The following DMD variants were observed in gnomAD, a reference collection of about 807,000 sequenced individuals.
DMD encodes dystrophin.
Under a neutral mutation model 330.1 loss-of-function variants are expected in DMD, and 63 were observed. That is an observed-to-expected ratio of 0.19 (90% CI 0.16 to 0.24). The LOEUF (loss-of-function observed/expected upper bound fraction) is 0.24, where lower values mean the gene tolerates loss of function less well. Among genes scored for constraint, DMD ranks in the 10% least tolerant of loss-of-function variants. DMD has a pLI of 1.00. For synonymous variants in DMD, 1,223 were observed against 959.8 expected (o/e 1.27, Z -5.07); for missense variants, 3,344 against 2,684.1 (o/e 1.25, Z -5.43).
At chrX:32,571,431 T>C (rs2052408004) in intron 15 of DMD, among the ~76,000 whole-genome samples, 1 of 111,907 alleles carries the variant, frequency 8.9e-6, no homozygotes, top group African/African-American at 3.2e-5. Flanking sequence ...ACTTTTGTGA[T>C]ACCACTTTCC....
rs181648348 is a variant in DMD at position 32,218,361 on chromosome X, A to G, written c.6291-1298T>C. Among the ~76,000 whole-genome samples, 57 of 111,512 alleles carry G rather than the reference A, an allele frequency of 5.1e-4. 1 individual carries two copies. Among genetic ancestry groups the G allele is most frequent in the Admixed American group, 4.8e-3 (50 of 10,465 alleles). ...TCTTACTGGGCTTACAGTCTACCAGATTTCCTGGGGCCTGCCCAAGCAAGC... is the reference window on the plus strand; with the variant it reads ...TCTTACTGGGCTTACAGTCTACCAGGTTTCCTGGGGCCTGCCCAAGCAAGC... On this transcript the variant is annotated intron_variant, in intron 43 of 78. Transcript: ENST00000357033.
intron 1 of DMD, among the ~76,000 whole-genome samples, chrX:33,088,845 C>T (rs1189277124): frequency 9.0e-6 from 1 of 111,054 alleles, no homozygotes; most frequent in Non-Finnish European, 1.9e-5. Flanking sequence ...AAAGACATTT[C>T]TTGTTCATTA....
intron 7 of DMD, among the ~76,000 whole-genome samples, chrX:32,772,011 A>G (rs1184500022): frequency 8.9e-6 from 1 of 112,231 alleles, no homozygotes; most frequent in Non-Finnish European, 1.9e-5. Context: ...AAGGAGTAAT[A>G]GAAGGAAACA....
In DMD at chrX:32,470,454, TC is replaced by T. The variant is rs1227765790; in HGVS notation, c.2949+1709del. Among the ~76,000 whole-genome samples the T allele has an allele frequency of 1.2e-4, 13 of 107,283 alleles. No homozygotes were observed. The East Asian group carries it at 3.6e-3, about 30-fold the overall frequency. 93.2% of individuals were successfully genotyped at this position (107,283 alleles called of 115,157 possible). ...TGTAACTTTGGGGGAAATGTTCATA[TC>T]TTTTTTTTTAGTTAGTTAATACATT... On this transcript the variant is annotated intron_variant, in intron 22 of 78. Transcript: ENST00000357033.
At chrX:32,413,332 C>T (rs1177300284) in intron 29 of DMD, among the ~76,000 whole-genome samples, 1 of 111,484 alleles carries the variant, frequency 9.0e-6, no homozygotes, top group Non-Finnish European at 1.9e-5. Flanking sequence ...ACTTGCTTTT[C>T]CTCCTTCTCT....
At chrX:33,088,987 T>G (rs1183289018) in intron 1 of DMD, among the ~76,000 whole-genome samples, 3 of 109,726 alleles carry the variant, frequency 2.7e-5, no homozygotes, top group Non-Finnish European at 5.7e-5. Context: ...GACACATATA[T>G]CTAAATGTGA....
chrX:31,839,238 G>C (rs1478301181), intron 48 of DMD, among the ~76,000 whole-genome samples: 2 of 112,014 alleles, frequency 1.8e-5, no homozygotes, highest in African/African-American at 3.2e-5. Context: ...ATCACATTAT[G>C]TGTATATGTA....
intron 59 of DMD, among the ~76,000 whole-genome samples, chrX:31,459,537 C>A (rs1217064652): frequency 1.8e-5 from 2 of 112,050 alleles, no homozygotes; most frequent in African/African-American, 3.2e-5. Context: ...GGGAAAAGTT[C>A]TAAATGAGTC....
chrX:33,198,768 T>C (rs1014166946), intron 1 of DMD, among the ~76,000 whole-genome samples: 9 of 110,798 alleles, frequency 8.1e-5, no homozygotes, highest in African/African-American at 2.6e-4. Flanking sequence ...TACATACATA[T>C]GGAATCATAA....
intron 1 of DMD, among the ~76,000 whole-genome samples, chrX:33,039,922 G>GT (rs2094270590): frequency 9.0e-6 from 1 of 110,941 alleles, no homozygotes; most frequent in African/African-American, 3.3e-5. Flanking sequence ...AGGCAACGAG[G>GT]TGAGCCAAAG....
intron 9 of DMD, among the ~76,000 whole-genome samples, chrX:32,685,299 C>A (rs2062771177): frequency 9.0e-6 from 1 of 111,352 alleles, no homozygotes; most frequent in Admixed American, 9.6e-5. Context: ...TAAATTTCTT[C>A]TTGAAATGAC....
At chrX:31,664,668 T>TTA (rs1443969326) in intron 53 of DMD, among the ~76,000 whole-genome samples, 1 of 105,416 alleles carries the variant, frequency 9.5e-6, no homozygotes, top group African/African-American at 3.5e-5. Flanking sequence ...TCATAAGTTT[T>TTA]TTTTTTTTTT....
chrX:32,056,763 G>T (rs1724054585), intron 44 of DMD, among the ~76,000 whole-genome samples: 1 of 111,052 alleles, frequency 9.0e-6, no homozygotes, highest in African/African-American at 3.3e-5. Flanking sequence ...ACACTTCCAA[G>T]CTCATTCTAC....
chrX:31,823,344 G>A (rs2092816118), intron 49 of DMD, among the ~76,000 whole-genome samples: 1 of 112,266 alleles, frequency 8.9e-6, no homozygotes, highest in Non-Finnish European at 1.9e-5. Flanking sequence ...TGCCTTGTAC[G>A]ATGTTTTCTT....
At chrX:31,275,595 T>C (rs2052046434) in intron 62 of DMD, among the ~76,000 whole-genome samples, 1 of 111,361 alleles carries the variant, frequency 9.0e-6, no homozygotes, top group African/African-American at 3.3e-5. Flanking sequence ...CTTTTGAATA[T>C]CTTTCTTTTT....
chrX:33,073,883 G>C (rs186769440), intron 1 of DMD, among the ~76,000 whole-genome samples: 1 of 109,993 alleles, frequency 9.1e-6, no homozygotes, highest in African/African-American at 3.3e-5. Context: ...AAACAGCTAA[G>C]GCTAACAGTC....
intron 74 of DMD, among the ~76,000 whole-genome samples, chrX:31,156,843 C>T (rs1470386430): frequency 8.9e-6 from 1 of 111,835 alleles, no homozygotes; most frequent in African/African-American, 3.3e-5. Flanking sequence ...AGAACATATG[C>T]ATATCTAGCG....
At chrX:32,349,726 T>C (rs2097775463) in intron 37 of DMD, among the ~76,000 whole-genome samples, 1 of 112,104 alleles carries the variant, frequency 8.9e-6, no homozygotes, top group Non-Finnish European at 1.9e-5. Context: ...GCAACATGAA[T>C]AACCACATAT....
At chrX:32,562,166 T>C (rs808578) in intron 16 of DMD, among the ~76,000 whole-genome samples, 27,672 of 110,921 alleles carry the variant, frequency 0.25, 2,601 homozygotes, top group East Asian at 0.51. Context: ...ATTTGCCCTC[T>C]TTTCTCATTG....
Sources: gnomAD v4.1 joint callset for allele counts (sites outside exome capture counted in the v4.1 genomes callset) on GRCh38, gnomAD v4.1.1 for gene constraint, MANE v1.5 for transcripts, NCBI Gene and HGNC (gene_info 2026-07-23, HGNC 2026-07-21) for gene names.